Variants in TNKS observed in about 807,000 individuals in gnomAD.
The protein encoded by TNKS is tankyrase, also known as poly [ADP-ribose] polymerase tankyrase-1.
A neutral mutation model predicts 135.8 loss-of-function variants in TNKS; 72 were observed. The observed-to-expected ratio is 0.53, with a 90% confidence interval of 0.44 to 0.64. The LOEUF is 0.64. TNKS is among the 30% of genes least tolerant of loss of function. TNKS has a pLI of 0.00. For synonymous variants in TNKS, 849 were observed against 649.3 expected (o/e 1.31, Z -4.68); for missense variants, 1,769 against 1,674.0 (o/e 1.06, Z -0.99).
At chr8:9,694,227 G>A (rs1308744335) in intron 5 of TNKS, among the ~76,000 whole-genome samples, 1 of 152,060 alleles carries the variant, frequency 6.6e-6, no homozygotes. Flanking sequence ...TTGACCTTTA[G>A]AAATGTAAAT....
intron 1 of TNKS, among the ~76,000 whole-genome samples, chr8:9,576,096 T>G (rs922669501): frequency 6.6e-6 from 1 of 152,166 alleles, no homozygotes; most frequent in Non-Finnish European, 1.5e-5. Context: ...TCATGGCCAG[T>G]CACTGACAGA....
intron 1 of TNKS, chr8:9,575,476 A>T (rs1245533570): frequency 2.1e-6 from 2 of 951,292 alleles, no homozygotes; most frequent in Admixed American, 1.2e-4. Context: ...TGACCAACCA[A>T]AAAGAAAAGA....
intron 3 of TNKS, among the ~76,000 whole-genome samples, chr8:9,665,967 C>T (rs774069805): frequency 6.6e-6 from 1 of 152,140 alleles, no homozygotes; most frequent in Admixed American, 6.5e-5. Context: ...TCTTCCTCCC[C>T]TCCTCTTTTT....
At chr8:9,772,809 T>TTTGTG (rs1554490631) in intron 26 of TNKS, among the ~76,000 whole-genome samples, 1 of 86,588 alleles carries the variant, frequency 1.2e-5, no homozygotes, top group Non-Finnish European at 2.4e-5. Context: ...GTGTGTGTGT[T>TTTGTG]TGTGTGTGTG....
chr8:9,746,933 G>A (rs953515772), intron 17 of TNKS, among the ~76,000 whole-genome samples: 2 of 133,250 alleles, frequency 1.5e-5, no homozygotes, highest in African/African-American at 3.0e-5. Context: ...ACCAGGCTGC[G>A]GTGCGGTGGT....
chr8:9,649,206 A>G (rs892604649), intron 3 of TNKS, among the ~76,000 whole-genome samples: 2 of 152,250 alleles, frequency 1.3e-5, no homozygotes, highest in African/African-American at 4.8e-5. Context: ...TTTTGAGCAC[A>G]GAGCTACTTG....
chr8:9,565,635 A>G (rs1350821758), intron 1 of TNKS, among the ~76,000 whole-genome samples: 1 of 152,138 alleles, frequency 6.6e-6, no homozygotes, highest in East Asian at 1.9e-4. Context: ...GCGGATCACA[A>G]GGTCAGGAGA....
intron 17 of TNKS, chr8:9,741,129 C>G (rs1316707700): frequency 6.6e-6 from 1 of 152,200 alleles, no homozygotes; most frequent in African/African-American, 2.4e-5. Flanking sequence ...ATTCTTGACC[C>G]TTAAGTTATA....
Position 9,556,052 on chromosome 8 carries a change from G to T in TNKS, c.113G>T (p.Gly38Val), listed in dbSNP as rs750410668. Residue 38 changes from glycine (G) to valine (V), a missense_variant, in exon 1 of 27, where the codon GGC becomes GTC. Gly to Val is a moderately radical substitution (Grantham distance 109, BLOSUM62 -3). Transcript: ENST00000310430. Reference protein sequence around the residue: ...PPPPPPPLSPGLAPGTTPASP... With the variant: ...PPPPPPPLSPVLAPGTTPASP... ...CCACCTCCTCCCCCACTCAGCCCTGGCCTGGCCCCGGGGACCACCCCAGCC... is the reference window on the plus strand; with the variant it reads ...CCACCTCCTCCCCCACTCAGCCCTGTCCTGGCCCCGGGGACCACCCCAGCC... 8.1e-6 allele frequency: 13 copies of T among 1,609,848 alleles called. No individual in the cohort carries two copies. The South Asian group carries it at 1.4e-4, about 18-fold the overall frequency.
At chr8:9,578,760 A>G (rs1039021200) in intron 1 of TNKS, among the ~76,000 whole-genome samples, 3 of 152,154 alleles carry the variant, frequency 2.0e-5, no homozygotes, top group African/African-American at 7.2e-5. Flanking sequence ...TTGTAACAGT[A>G]TTACACAATA....
At chr8:9,589,100 C>G (rs866063121) in intron 2 of TNKS, among the ~76,000 whole-genome samples, 6 of 152,212 alleles carry the variant, frequency 3.9e-5, no homozygotes, top group African/African-American at 1.4e-4. Context: ...CCCACTGAAC[C>G]TATTGACATG....
chr8:9,682,254 A>G (rs1007054804), intron 5 of TNKS, among the ~76,000 whole-genome samples: 2 of 152,122 alleles, frequency 1.3e-5, no homozygotes, highest in African/African-American at 4.8e-5. Flanking sequence ...TCACTTTTCT[A>G]TAACTGTTTT....
intron 5 of TNKS, among the ~76,000 whole-genome samples, chr8:9,682,052 A>C (rs1414714212): frequency 6.6e-6 from 1 of 152,058 alleles, no homozygotes; most frequent in Non-Finnish European, 1.5e-5. Context: ...TTAAATGGTA[A>C]CTGTTCATTT....
At chr8:9,732,225 C>G (rs1805480702) in intron 14 of TNKS, among the ~76,000 whole-genome samples, 1 of 152,186 alleles carries the variant, frequency 6.6e-6, no homozygotes, top group Admixed American at 6.5e-5. Context: ...TTTATTTTTA[C>G]TAATTCAGAT....
chr8:9,710,821 G>A (rs1286146302), intron 11 of TNKS, among the ~76,000 whole-genome samples: 1 of 152,136 alleles, frequency 6.6e-6, no homozygotes, highest in Non-Finnish European at 1.5e-5. Flanking sequence ...GCATGAACCT[G>A]GGAGGCGAAG....
chr8:9,667,254 T>G (rs1401539778), intron 3 of TNKS, among the ~76,000 whole-genome samples: 1 of 152,254 alleles, frequency 6.6e-6, no homozygotes, highest in African/African-American at 2.4e-5. Flanking sequence ...TAAACCAGTA[T>G]GCCAATATGA....
chr8:9,743,865 T>C (rs1806097065), intron 17 of TNKS, among the ~76,000 whole-genome samples: 1 of 152,222 alleles, frequency 6.6e-6, no homozygotes, highest in Non-Finnish European at 1.5e-5. Context: ...GAATAATCTA[T>C]ATATTTGACT....
chr8:9,751,923 T>A, intron 19 of TNKS, 77 bp downstream of exon 19: 1 of 1,289,724 alleles, frequency 7.8e-7, no homozygotes, highest in Non-Finnish European at 1.1e-6. Context: ...TATTGATAAC[T>A]ATTGAATGCC....
intron 3 of TNKS, among the ~76,000 whole-genome samples, chr8:9,622,570 T>C (rs180923741): frequency 1.3e-5 from 2 of 152,296 alleles, no homozygotes; most frequent in East Asian, 3.9e-4. Flanking sequence ...ATGAGTGCTC[T>C]TATATGTGCA....
Sources: gnomAD v4.1 joint callset for allele counts (sites outside exome capture counted in the v4.1 genomes callset) on GRCh38, gnomAD v4.1.1 for gene constraint, MANE v1.5 for transcripts, NCBI Gene and HGNC (gene_info 2026-07-23, HGNC 2026-07-21) for gene names.